Variants in ANKS1B observed in about 807,000 individuals in gnomAD.
ANKS1B encodes ankyrin repeat and sterile alpha motif domain containing 1B.
In ANKS1B, 36 loss-of-function variants were observed where a neutral mutation model predicts 148.3. That is an observed-to-expected ratio of 0.24 (90% CI 0.19 to 0.32). The LOEUF (loss-of-function observed/expected upper bound fraction) is 0.32, where lower values mean the gene tolerates loss of function less well. Ranked by LOEUF, ANKS1B falls within the 10% of genes least tolerant of loss-of-function variation. The pLI, the probability that ANKS1B is intolerant of heterozygous loss-of-function variation, is 1.00. For synonymous variants in ANKS1B, 542 were observed against 560.8 expected, an observed-to-expected ratio of 0.97 and a Z score of 0.47; for missense variants, 1,157 against 1,542.6, an observed-to-expected ratio of 0.75 and a Z score of 4.19.
At chr12:99,701,503 C>T (rs1329493270) in intron 8 of ANKS1B, among the ~76,000 whole-genome samples, 2 of 152,040 alleles carry the variant, frequency 1.3e-5, no homozygotes, top group Non-Finnish European at 2.9e-5. Context: ...AGGTATCCAC[C>T]ACTTCAAACA....
chr12:99,910,226 G>A (rs1168125150), intron 1 of ANKS1B, among the ~76,000 whole-genome samples: 2 of 151,778 alleles, frequency 1.3e-5, no homozygotes. Flanking sequence ...ATGGTGCCCC[G>A]TGCCTGTAAT....
At chr12:99,124,725 T>C (rs1378116659) in intron 15 of ANKS1B, among the ~76,000 whole-genome samples, 1 of 151,804 alleles carries the variant, frequency 6.6e-6, no homozygotes, top group Non-Finnish European at 1.5e-5. Context: ...TTGGGAAAGA[T>C]AGGGGAGGGG....
intron 1 of ANKS1B, among the ~76,000 whole-genome samples, chr12:99,909,592 T>C (rs1194416007): frequency 6.6e-6 from 1 of 152,188 alleles, no homozygotes; most frequent in Non-Finnish European, 1.5e-5. Context: ...CATCTGTCTA[T>C]GTGTCTGTTT....
intron 12 of ANKS1B, among the ~76,000 whole-genome samples, chr12:99,398,098 G>A (rs906607876): frequency 1.3e-5 from 2 of 152,106 alleles, no homozygotes; most frequent in African/African-American, 4.8e-5. Flanking sequence ...TATTCTAAGT[G>A]CGATTAGAAG....
chr12:98,794,002 C>T (rs1015254929), intron 22 of ANKS1B, among the ~76,000 whole-genome samples: 15 of 152,136 alleles, frequency 9.9e-5, no homozygotes, highest in African/African-American at 3.6e-4. Flanking sequence ...GGGAGTTATT[C>T]ATACCAACAT....
intron 8 of ANKS1B, among the ~76,000 whole-genome samples, chr12:99,731,332 T>C (rs1206187264): frequency 6.6e-6 from 1 of 151,830 alleles, no homozygotes; most frequent in Non-Finnish European, 1.5e-5. Flanking sequence ...TTGGCCAGGC[T>C]TGTCTCAAAC....
At chr12:99,565,256 C>A (rs919852488) in intron 9 of ANKS1B, among the ~76,000 whole-genome samples, 1 of 152,098 alleles carries the variant, frequency 6.6e-6, no homozygotes, top group Admixed American at 6.6e-5. Context: ...AGATGAGCTC[C>A]AAGTCTAAAA....
chr12:99,950,233 T>G (rs2153822287), intron 1 of ANKS1B, among the ~76,000 whole-genome samples: 1 of 151,464 alleles, frequency 6.6e-6, no homozygotes, highest in African/African-American at 2.4e-5. Context: ...GTGCTGAGAT[T>G]ACAGGCGTAA....
intron 9 of ANKS1B, among the ~76,000 whole-genome samples, chr12:99,590,436 A>C (rs1246615001): frequency 6.6e-6 from 1 of 152,154 alleles, no homozygotes; most frequent in Non-Finnish European, 1.5e-5. Flanking sequence ...ATCTGTCTCT[A>C]TTATAACTGC....
intron 9 of ANKS1B, among the ~76,000 whole-genome samples, chr12:99,644,042 T>G (rs906307078): frequency 1.3e-5 from 2 of 152,190 alleles, no homozygotes; most frequent in Admixed American, 1.3e-4. Flanking sequence ...TTCTCACAAT[T>G]TATCTCTTTC....
At chr12:98,930,021 A>T (rs879926055) in intron 17 of ANKS1B, among the ~76,000 whole-genome samples, 12 of 152,170 alleles carry the variant, frequency 7.9e-5, no homozygotes, top group Non-Finnish European at 1.5e-4. Context: ...TGGAGAAAAT[A>T]TTTGTAAATC....
At chr12:98,983,852 C>T (rs1240550737) in intron 17 of ANKS1B, among the ~76,000 whole-genome samples, 1 of 152,224 alleles carries the variant, frequency 6.6e-6, no homozygotes, top group African/African-American at 2.4e-5. Context: ...CTCTCAGCTC[C>T]TCCCTCTCCA....
chr12:99,295,630 C>T (rs778808102), intron 12 of ANKS1B, among the ~76,000 whole-genome samples: 2 of 151,788 alleles, frequency 1.3e-5, no homozygotes, highest in Non-Finnish European at 2.9e-5. Flanking sequence ...ATTTTAAGTC[C>T]AGGGGTACAT....
chr12:99,194,853 T>C (rs970386337), intron 14 of ANKS1B, among the ~76,000 whole-genome samples: 1 of 152,194 alleles, frequency 6.6e-6, no homozygotes, highest in African/African-American at 2.4e-5. Context: ...GGGGAGTGAA[T>C]GCTTGGTATA....
intron 15 of ANKS1B, among the ~76,000 whole-genome samples, chr12:99,148,771 A>G (rs923516476): frequency 2.6e-5 from 4 of 152,178 alleles, no homozygotes; most frequent in Admixed American, 6.6e-5. Context: ...TTGTCCAGAT[A>G]AACAATAATT....
chr12:99,302,466 A>G (rs952308484), intron 12 of ANKS1B, among the ~76,000 whole-genome samples: 5 of 152,138 alleles, frequency 3.3e-5, no homozygotes, highest in East Asian at 1.9e-4. Context: ...ATGTTTTTTC[A>G]GAGTTGAAAA....
At chr12:99,571,674 A>G (rs1227580977) in intron 9 of ANKS1B, among the ~76,000 whole-genome samples, 1 of 152,160 alleles carries the variant, frequency 6.6e-6, no homozygotes, top group Admixed American at 6.5e-5. Flanking sequence ...TATTCAGAAA[A>G]TGATTCTTCT....
In ANKS1B at chr12:98,798,941, T is replaced by C; in HGVS notation, c.3335A>G (p.Lys1112Arg). The C allele has an allele frequency of 6.2e-7, 1 of 1,611,052 alleles. No individual in the cohort carries two copies. The highest frequency in any genetic ancestry group is 8.5e-7 in the Non-Finnish European group (1 of 1,178,630). Residue 1112 changes from lysine to arginine, a missense_variant, in exon 22 of 27, where the codon AAA becomes AGA. Transcript: ENST00000683438. The stretch of plus-strand genomic sequence containing the variant: ...GTAGTTTGGCAGACTTACCCGCATT[T>C]TTGCACAAGCATCTTGGGTTGATTC... ...GTESTQDACA[K>R]MRANCQKSTE...
At chr12:99,490,176 C>T (rs1481553029) in intron 10 of ANKS1B, among the ~76,000 whole-genome samples, 3 of 152,112 alleles carry the variant, frequency 2.0e-5, no homozygotes, top group East Asian at 3.8e-4. Flanking sequence ...CCTCAACAAA[C>T]GTTTGTGGAA....
Sources: allele counts gnomAD v4.1 joint callset (sites outside exome capture counted in the v4.1 genomes callset), GRCh38; gene constraint gnomAD v4.1.1; transcripts MANE v1.5; gene names NCBI Gene and HGNC (gene_info 2026-07-23, HGNC 2026-07-21).